The following CUBN variants were observed in gnomAD, a reference collection of about 807,000 sequenced individuals.
CUBN encodes the protein cubilin.
CUBN carries 282 observed loss-of-function variants against 405.3 expected under a neutral mutation model. The observed-to-expected ratio is 0.70, with a 90% CI of 0.63 to 0.77. The LOEUF (loss-of-function observed/expected upper bound fraction) is 0.77. Ranked by LOEUF, CUBN falls within the 30% of genes least tolerant of loss-of-function variation. CUBN has a pLI of 0.00. For synonymous variants in CUBN, 1,684 were observed against 1,617.0 expected, an observed-to-expected ratio of 1.04 and a Z score of -0.99; for missense variants, 4,514 against 4,475.2, an observed-to-expected ratio of 1.01 and a Z score of -0.25.
chr10:16,874,797 G>T (rs1840453082), intron 57 of CUBN, among the ~76,000 whole-genome samples: 1 of 152,114 alleles, frequency 6.6e-6, no homozygotes, highest in African/African-American at 2.4e-5. Flanking sequence ...TGACGAGCAG[G>T]AACATTTCAC....
chr10:17,106,419 T>C (rs938215313), intron 10 of CUBN, among the ~76,000 whole-genome samples: 2 of 151,616 alleles, frequency 1.3e-5, no homozygotes, highest in East Asian at 3.9e-4. Flanking sequence ...CTGGCCAAGA[T>C]GGTTAAGCCC....
At chr10:16,992,539 T>A (rs1020780033) in intron 28 of CUBN, among the ~76,000 whole-genome samples, 2 of 152,126 alleles carry the variant, frequency 1.3e-5, no homozygotes, top group African/African-American at 4.8e-5. Context: ...AAATTCCTCC[T>A]GTACAGTGAG....
intron 15 of CUBN, among the ~76,000 whole-genome samples, chr10:17,087,467 T>TTTTTA (rs1491327620): frequency 1.2e-5 from 1 of 85,200 alleles, no homozygotes. Flanking sequence ...ATTATTTTTC[T>TTTTTA]TTTTCTTTTT....
At chr10:17,056,069 A>G (rs1051927810) in intron 22 of CUBN, among the ~76,000 whole-genome samples, 4 of 152,124 alleles carry the variant, frequency 2.6e-5, no homozygotes, top group Non-Finnish European at 4.4e-5. Context: ...AAAGGGGTAA[A>G]TATGTACAGC....
At chr10:17,111,563 T>G (rs1836772348) in intron 8 of CUBN, among the ~76,000 whole-genome samples, 2 of 152,232 alleles carry the variant, frequency 1.3e-5, no homozygotes, top group African/African-American at 4.8e-5. Flanking sequence ...TAATATCATG[T>G]GTACACCTGT....
At chr10:17,020,166 AT>A (rs1280165141) in intron 27 of CUBN, among the ~76,000 whole-genome samples, 183 bp from the exon 28 acceptor site, 7 of 152,160 alleles carry the variant, frequency 4.6e-5, no homozygotes, top group African/African-American at 1.7e-4. Flanking sequence ...TAGAGAGGGT[AT>A]TAGAGATGGA....
chr10:17,061,134 GCTGAGAGTAGGACCAAGA>G (rs897984289), intron 22 of CUBN, among the ~76,000 whole-genome samples: 36 of 152,148 alleles, frequency 2.4e-4, no homozygotes, highest in Non-Finnish European at 5.1e-4. Flanking sequence ...TAGTATCAAG[GCTGAGAGTAGGACCAAGA>G]CTTCTGACCT....
intron 27 of CUBN, among the ~76,000 whole-genome samples, chr10:17,026,403 C>CGG (rs990829886): frequency 5.3e-5 from 8 of 152,064 alleles, no homozygotes; most frequent in African/African-American, 1.7e-4. Flanking sequence ...GAAGCCGAAG[C>CGG]GGGTGATCAC....
chr10:17,021,686 T>C (rs1339901350), intron 27 of CUBN, among the ~76,000 whole-genome samples: 1 of 152,246 alleles, frequency 6.6e-6, no homozygotes, highest in African/African-American at 2.4e-5. Flanking sequence ...TTGAAACATA[T>C]TGATTTGAGT....
chr10:16,976,121 C>T (rs545105490), intron 31 of CUBN, among the ~76,000 whole-genome samples: 4 of 151,976 alleles, frequency 2.6e-5, no homozygotes, highest in Non-Finnish European at 5.9e-5. Context: ...CAGGTCTGTG[C>T]CACCATGCTT....
chr10:16,947,228 G>A lies in CUBN; in HGVS notation c.5342+7C>T, dbSNP rs1842810572. ...ACTGAAACAATACACCATAAAAAAG[G>A]ATTTACATAAAAGACAGCTGGAGCC... On this transcript the variant is annotated splice_region_variant and intron_variant, in intron 36 of 66. Coordinates refer to ENST00000377833, the MANE Select transcript of CUBN (RefSeq NM_001081.4). 6.2e-7 allele frequency: 1 copy of A among 1,613,914 alleles called. No homozygotes were observed. The highest frequency in any genetic ancestry group is 8.5e-7 in the Non-Finnish European group (1 of 1,179,868).
chr10:16,874,236 T>C, intron 58 of CUBN, 138 bp downstream of exon 58: 1 of 940,360 alleles, frequency 1.1e-6, no homozygotes, highest in Non-Finnish European at 1.7e-6. Context: ...TGAACTGTCA[T>C]CTAGGAACAT....
At chr10:16,923,469 G>C (rs189821265) in intron 43 of CUBN, among the ~76,000 whole-genome samples, 2 of 152,156 alleles carry the variant, frequency 1.3e-5, no homozygotes, top group African/African-American at 4.8e-5. Context: ...CCAGATAGAC[G>C]TGGGAAGTAG....
chr10:17,002,183 T>C (rs1349602972), intron 28 of CUBN, among the ~76,000 whole-genome samples: 2 of 152,152 alleles, frequency 1.3e-5, no homozygotes, highest in African/African-American at 2.4e-5. Context: ...TTGTTCTGAG[T>C]TGGCTTAGAA....
intron 28 of CUBN, among the ~76,000 whole-genome samples, chr10:16,993,162 G>A (rs1047815498): frequency 6.6e-6 from 1 of 152,098 alleles, no homozygotes; most frequent in African/African-American, 2.4e-5. Flanking sequence ...AGCTCAGATG[G>A]TTCTTTCTAT....
intron 22 of CUBN, among the ~76,000 whole-genome samples, 198 bp downstream of exon 22, chr10:17,065,310 G>T (rs1367563994): frequency 6.6e-6 from 1 of 152,066 alleles, no homozygotes; most frequent in African/African-American, 2.4e-5. Context: ...AACATTAGAA[G>T]ATTTAATATT....
chr10:17,062,036 T>C (rs538375312), intron 22 of CUBN, among the ~76,000 whole-genome samples: 1 of 152,252 alleles, frequency 6.6e-6, no homozygotes, highest in African/African-American at 2.4e-5. Context: ...TTTCTTGACA[T>C]ACCCTAAAAA....
At chr10:16,942,621 T>A (rs1282101217) in intron 36 of CUBN, among the ~76,000 whole-genome samples, 1 of 152,176 alleles carries the variant, frequency 6.6e-6, no homozygotes, top group East Asian at 1.9e-4. Context: ...CTCTTACGCA[T>A]TACTAACGGG....
intron 43 of CUBN, 52 bp from the exon 44 acceptor site, chr10:16,920,189 TCAATGGCCA>T: frequency 6.4e-7 from 1 of 1,557,732 alleles, no homozygotes; most frequent in Non-Finnish European, 8.8e-7. Flanking sequence ...GGGGATGCAG[TCAATGGCCA>T]CAAATCATCT....
Sources: allele counts gnomAD v4.1 joint callset (sites outside exome capture counted in the v4.1 genomes callset), GRCh38; gene constraint gnomAD v4.1.1; transcripts MANE v1.5; gene names NCBI Gene and HGNC (gene_info 2026-07-23, HGNC 2026-07-21).